PALB2: variants seen among roughly 807,000 people sequenced by gnomAD.
The protein encoded by PALB2 is mutant partner and localizer of BRCA2.
PALB2 carries 82 observed loss-of-function variants against 107.4 expected under a neutral mutation model. The ratio of observed to expected loss-of-function variants is 0.76; its 90% CI spans 0.64 to 0.92. The LOEUF (loss-of-function observed/expected upper bound fraction) is 0.92. PALB2 is among the 40% of genes least tolerant of loss of function. The pLI is 0.00. For synonymous variants in PALB2, 489 were observed against 496.8 expected (o/e 0.98, Z 0.21); for missense variants, 1,374 against 1,379.9 (o/e 1.00, Z 0.07).
At chr16:23,614,897 GC>G (rs1966657165) in intron 10 of PALB2, among the ~76,000 whole-genome samples, 1 of 149,876 alleles carries the variant, frequency 6.7e-6, no homozygotes. Flanking sequence ...TGATCCGCCC[GC>G]CTCGGCCTCC....
At chr16:23,641,030 CCGA>C in intron 1 of PALB2, 77 bp downstream of exon 1, 1 of 1,532,208 alleles carries the variant, frequency 6.5e-7, no homozygotes, top group Non-Finnish European at 8.9e-7. Context: ...CCTCGGACTG[CCGA>C]GGACACAAAG....
chr16:23,614,385 GCAC>G (rs1966642302), intron 10 of PALB2, among the ~76,000 whole-genome samples: 1 of 152,080 alleles, frequency 6.6e-6, no homozygotes, highest in Admixed American at 6.6e-5. Flanking sequence ...TTGAAATCAG[GCAC>G]ATGGTATAGC....
intron 11 of PALB2, among the ~76,000 whole-genome samples, chr16:23,612,893 C>T (rs1966612752): frequency 2.0e-5 from 3 of 152,140 alleles, no homozygotes; most frequent in Non-Finnish European, 4.4e-5. Flanking sequence ...GCTGGGATTA[C>T]AGGCATGCGC....
chr16:23,638,056 T>C lies in PALB2; in HGVS notation c.108+14A>G, dbSNP rs1396225875. ...GTACTATAACACCTTAATTTGAGAATACGATTCACTTACCTGAAGGCGGGC... is the reference window on the plus strand; with the variant it reads ...GTACTATAACACCTTAATTTGAGAACACGATTCACTTACCTGAAGGCGGGC... On this transcript the variant is annotated intron_variant, in intron 2 of 12. Coordinates refer to ENST00000261584, the MANE Select transcript of PALB2 (RefSeq NM_024675.4). 6.2e-7 allele frequency: 1 copy of C among 1,612,570 alleles called. No homozygotes were observed. The highest frequency in any genetic ancestry group is 1.7e-5 in the Admixed American group (1 of 60,028).
intron 9 of PALB2, among the ~76,000 whole-genome samples, chr16:23,622,697 T>C (rs375298031): frequency 6.6e-6 from 1 of 152,172 alleles, no homozygotes; most frequent in Non-Finnish European, 1.5e-5. Flanking sequence ...AGCAGAGGTA[T>C]TTCTAACATT....
rs249935 is a variant in PALB2 at position 23,613,903 on chromosome 16, T to C, written c.3201+101A>G. On this transcript the variant is annotated intron_variant, in intron 11 of 12. Coordinates refer to ENST00000261584, the MANE Select transcript of PALB2 (RefSeq NM_024675.4). Reference sequence around the variant, plus strand: ...ATTGCTATCCAATTTTGAAAAAAGATGCCACGGGGAAGGTTTGTTCATTAC... The same window carrying C: ...ATTGCTATCCAATTTTGAAAAAAGACGCCACGGGGAAGGTTTGTTCATTAC... 87,251 of 829,980 alleles carry C rather than the reference T, an allele frequency of 0.11. 5,492 individuals are homozygous for C. Among genetic ancestry groups the C allele is most frequent in the African/African-American group, 0.22 (12,718 of 58,930 alleles). 51.4% of individuals were successfully genotyped at this position (829,980 alleles called of 1,614,324 possible).
intron 4 of PALB2, among the ~76,000 whole-genome samples, chr16:23,633,025 C>T (rs1313947996): frequency 6.6e-6 from 1 of 152,122 alleles, no homozygotes; most frequent in African/African-American, 2.4e-5. Flanking sequence ...ACCTGGGAGG[C>T]AGAGGTTGCA....
At chr16:23,606,821 C>CTTTTTTTTTTTTTTTTTTTTTT (rs545664784) in intron 12 of PALB2, among the ~76,000 whole-genome samples, 1 of 108,540 alleles carries the variant, frequency 9.2e-6, no homozygotes, top group Non-Finnish European at 1.8e-5. Flanking sequence ...CTGCACCCTG[C>CTTTTTTTTTTTTTTTTTTTTTT]TTTTTTTTTT....
At chr16:23,634,177 C>T (rs1205506436) in intron 4 of PALB2, among the ~76,000 whole-genome samples, 1 of 152,232 alleles carries the variant, frequency 6.6e-6, no homozygotes, top group Non-Finnish European at 1.5e-5. Flanking sequence ...TTAGTGAACT[C>T]TGGCACCATA....
At chr16:23,619,975 T>C (rs1966745296) in intron 10 of PALB2, among the ~76,000 whole-genome samples, 1 of 152,196 alleles carries the variant, frequency 6.6e-6, no homozygotes, top group African/African-American at 2.4e-5. Flanking sequence ...AGCTGGGGTT[T>C]TGCCTTGTTG....
intron 10 of PALB2, among the ~76,000 whole-genome samples, chr16:23,620,447 C>T (rs182871441): frequency 1.3e-5 from 2 of 152,246 alleles, no homozygotes; most frequent in Admixed American, 1.3e-4. Flanking sequence ...TGGGCCTTGC[C>T]CCCTAGCTTA....
At chr16:23,638,006 G>A (rs2142458759) in intron 2 of PALB2, 54 bp from the exon 3 acceptor site, 6 of 1,602,106 alleles carry the variant, frequency 3.7e-6, no homozygotes, top group Non-Finnish European at 5.1e-6. Context: ...GTTTTATAGA[G>A]TCAAGAACTG....
At chr16:23,616,380 G>A (rs550635478) in intron 10 of PALB2, among the ~76,000 whole-genome samples, 1 of 152,220 alleles carries the variant, frequency 6.6e-6, no homozygotes, top group East Asian at 1.9e-4. Flanking sequence ...AACTGAAGAA[G>A]GAAAATTAAA....
rs1175812630 is a variant in PALB2, at chr16:23,614,084, T to C, written c.3121A>G (p.Lys1041Glu). 6.2e-7 allele frequency: 1 copy of C among 1,606,172 alleles called. No individual in the cohort carries two copies. The highest frequency in any genetic ancestry group is 8.5e-7 in the Non-Finnish European group (1 of 1,173,076). ...IMNNIVIWNL[K>E]TGQLLKKMHI... The stretch of plus-strand genomic sequence containing the variant: ...ATCTTTTTCAGGAGTTGACCAGTTT[T>C]TAAATTCCTTAGATAACAAAAATAA... Residue 1041 changes from lysine (K) to glutamate (E), a missense_variant, in exon 11 of 13, where the codon AAA becomes GAA. Transcript: ENST00000261584.
chr16:23,635,068 G>A lies in PALB2; in HGVS notation c.1478C>T (p.Pro493Leu), dbSNP rs770965402. ...SLTKVSSPAG[P>L]TEDNDLSRKA... ...CCTAGACAAGTCATTATCTTCAGTG[G>A]GCCCAGCGGGAGAGCTGACTTTAGT... is the stretch of plus-strand genomic sequence containing the variant. The change falls in exon 4 of 13, where the codon CCC becomes CTC. Residue 493 changes from proline to leucine, a missense_variant. Coordinates refer to ENST00000261584, the MANE Select transcript of PALB2 (RefSeq NM_024675.4). 23 of 1,614,100 alleles carry A rather than the reference G, an allele frequency of 1.4e-5. No homozygotes were observed. Among genetic ancestry groups the A allele is most frequent in the Non-Finnish European group, 1.9e-5 (23 of 1,180,036 alleles).
At chr16:23,621,555 A>G (rs971554035) in intron 9 of PALB2, 77 bp from the exon 10 acceptor site, 4 of 875,576 alleles carry the variant, frequency 4.6e-6, no homozygotes, top group African/African-American at 1.6e-5. Context: ...GCATTGTTGA[A>G]CTGCATAATA....
rs767056829 is a variant in PALB2, at chr16:23,630,038, T to C, written c.2116A>G (p.Thr706Ala). The change falls in exon 5 of 13, where the codon ACT (threonine) becomes GCT (alanine). Residue 706 changes from threonine (T) to alanine (A), a missense_variant. Coordinates refer to ENST00000261584, the MANE Select transcript of PALB2 (RefSeq NM_024675.4). ...TGLSSSILLY[T>A]PLNTVAPDDN... Reference sequence around the variant, plus strand: ...TCAGGCGCAACCGTATTTAAAGGAGTATAAAGTAATATGGATGAAGAAAGG... The same window carrying C: ...TCAGGCGCAACCGTATTTAAAGGAGCATAAAGTAATATGGATGAAGAAAGG... 2.5e-6 allele frequency: 4 copies of C among 1,613,974 alleles called. No homozygotes were observed. The South Asian group carries it at 4.4e-5, about 18-fold the overall frequency.
intron 11 of PALB2, among the ~76,000 whole-genome samples, chr16:23,612,517 C>G (rs1004022027): frequency 3.3e-5 from 5 of 149,790 alleles, no homozygotes; most frequent in African/African-American, 1.2e-4. Context: ...CCATGCCAGG[C>G]CAAGACTTTT....
chr16:23,621,293 C>A (rs1966766241), intron 10 of PALB2, 69 bp downstream of exon 10: 2 of 1,005,134 alleles, frequency 2.0e-6, no homozygotes, highest in South Asian at 2.6e-5. Flanking sequence ...TTCACAACAA[C>A]CCTGTAAAAT....
Sources: allele counts gnomAD v4.1 joint callset (sites outside exome capture counted in the v4.1 genomes callset), GRCh38; gene constraint gnomAD v4.1.1; transcripts MANE v1.5; gene names NCBI Gene and HGNC (gene_info 2026-07-23, HGNC 2026-07-21).